ATP5F1C: variants seen among roughly 807,000 people sequenced by gnomAD.
The protein encoded by ATP5F1C is ATP synthase F1 subunit gamma, also known as ATP synthase F(1) complex subunit gamma, mitochondrial.
In ATP5F1C, 22 loss-of-function variants were observed where a neutral mutation model predicts 37.4. That is an observed-to-expected ratio of 0.59 (90% confidence interval 0.42 to 0.84). The LOEUF is 0.84. ATP5F1C is among the 40% of genes least tolerant of loss of function. The pLI is 0.00. For synonymous variants in ATP5F1C, 121 were observed against 128.0 expected (o/e 0.95, Z 0.37); for missense variants, 286 against 362.4 (o/e 0.79, Z 1.71).
chr10:7,788,390 G>C (rs1836090234), intron 1 of ATP5F1C, 127 bp downstream of exon 1: 2 of 1,330,404 alleles, frequency 1.5e-6, no homozygotes, highest in Non-Finnish European at 2.1e-6. Context: ...CCCCTGGCCC[G>C]TCGGAGGCGC....
intron 1 of ATP5F1C, among the ~76,000 whole-genome samples, chr10:7,794,864 C>T (rs1490441289): frequency 6.6e-6 from 1 of 152,150 alleles, no homozygotes; most frequent in Admixed American, 6.5e-5. Context: ...TACTGCTTTC[C>T]TTTCTACTAC....
intron 2 of ATP5F1C, 84 bp from the exon 3 acceptor site, chr10:7,796,963 G>A (rs1836250926): frequency 6.9e-7 from 1 of 1,456,680 alleles, no homozygotes; most frequent in Non-Finnish European, 9.4e-7. Context: ...ATTCTGCCTT[G>A]CACTTCAGAA....
intron 1 of ATP5F1C, among the ~76,000 whole-genome samples, chr10:7,795,307 T>C (rs1012344713): frequency 6.6e-6 from 1 of 152,184 alleles, no homozygotes; most frequent in Non-Finnish European, 1.5e-5. Flanking sequence ...TTCATCATGC[T>C]CAGTTCTCCT....
chr10:7,803,936 T>G (rs2131076526), intron 8 of ATP5F1C, among the ~76,000 whole-genome samples: 1 of 152,344 alleles, frequency 6.6e-6, no homozygotes, highest in Non-Finnish European at 1.5e-5. Flanking sequence ...CAGATCCTTG[T>G]CATTTCTCTC....
intron 1 of ATP5F1C, among the ~76,000 whole-genome samples, chr10:7,791,897 C>A (rs780409202): frequency 6.6e-6 from 1 of 152,232 alleles, no homozygotes; most frequent in Non-Finnish European, 1.5e-5. Flanking sequence ...GCTACCTCTT[C>A]ATACCTCTGA....
intron 8 of ATP5F1C, among the ~76,000 whole-genome samples, chr10:7,805,822 C>T (rs930010057): frequency 6.6e-6 from 1 of 151,492 alleles, no homozygotes; most frequent in Non-Finnish European, 1.5e-5. Flanking sequence ...TGCATTGGCT[C>T]ATGCTTGTAA....
In ATP5F1C at chr10:7,800,979, T is replaced by A. The variant is rs564000210; in HGVS notation, c.637+888T>A. 2.0e-5 allele frequency among the ~76,000 whole-genome samples: 3 copies of A among 152,374 alleles called. No individual in the cohort carries two copies. In the East Asian group the frequency reaches 5.8e-4, roughly 29 times the overall value. ...AGCTAGAAACTGGCTTTGCAAGTTA[T>A]GTTTGGGACCTCTAACTACAATAAA... On this transcript the variant is annotated intron_variant, in intron 6 of 9. Coordinates refer to ENST00000356708, the MANE Select transcript of ATP5F1C (RefSeq NM_001001973.3).
Position 7,806,970 on chromosome 10 carries a change from C to G in ATP5F1C, c.891-4C>G, listed in dbSNP as rs755120037. On this transcript the variant is annotated splice_region_variant and splice_polypyrimidine_tract_variant and intron_variant, in intron 8 of 9. Transcript: ENST00000356708. ...TTGTCTTTTTCTTCTAATATAATAACCAGGGATTAATGAAAATCAAGTTCC... is the reference window on the plus strand; with the variant it reads ...TTGTCTTTTTCTTCTAATATAATAAGCAGGGATTAATGAAAATCAAGTTCC... 6.2e-7 allele frequency: 1 copy of G among 1,609,878 alleles called. No individual in the cohort carries two copies. The highest frequency in any genetic ancestry group is 1.7e-5 in the Admixed American group (1 of 59,970).
chr10:7,801,059 TGAC>T (rs200284165), intron 6 of ATP5F1C, among the ~76,000 whole-genome samples: 1 of 64,960 alleles, frequency 1.5e-5, no homozygotes, highest in African/African-American at 5.1e-5. Flanking sequence ...TTACATTGAC[TGAC>T]TCAATTCTCT....
intron 8 of ATP5F1C, chr10:7,804,174 G>A (rs745486741): frequency 7.9e-5 from 41 of 518,924 alleles, no homozygotes; most frequent in East Asian, 2.2e-4. Flanking sequence ...GAGTGATAGC[G>A]TGTGACCCAC....
At chr10:7,805,099 A>G (rs1423643941) in intron 8 of ATP5F1C, among the ~76,000 whole-genome samples, 1 of 152,220 alleles carries the variant, frequency 6.6e-6, no homozygotes, top group Non-Finnish European at 1.5e-5. Flanking sequence ...CCAATGTTCT[A>G]TCAGCATCAC....
In ATP5F1C at chr10:7,807,733, CA is replaced by C; in HGVS notation, c.*106del. On this transcript the variant is annotated 3_prime_UTR_variant, in exon 10 of 10. Transcript: ENST00000356708. ...CCTTTGTCCGAAGAAACTGTTCCTCCATTATTTGAATTACTGAAGACAGCAA... is the reference window on the plus strand; with the variant it reads ...CCTTTGTCCGAAGAAACTGTTCCTCCTTATTTGAATTACTGAAGACAGCAA... 6.5e-7 allele frequency: 1 copy of C among 1,526,986 alleles called. No individual in the cohort carries two copies. The highest frequency in any genetic ancestry group is 8.9e-7 in the Non-Finnish European group (1 of 1,119,348). 94.6% of individuals were successfully genotyped at this position (1,526,986 alleles called of 1,614,324 possible).
intron 6 of ATP5F1C, among the ~76,000 whole-genome samples, chr10:7,801,012 C>G (rs1253103736): frequency 1.3e-5 from 2 of 152,116 alleles, no homozygotes; most frequent in Non-Finnish European, 2.9e-5. Flanking sequence ...AAAACAGAAG[C>G]TCTAGAATAG....
chr10:7,807,416 A>G (rs1836503822), intron 9 of ATP5F1C, among the ~76,000 whole-genome samples: 1 of 152,144 alleles, frequency 6.6e-6, no homozygotes, highest in South Asian at 2.1e-4. Context: ...GGAAAACTCT[A>G]CTGTATACTC....
chr10:7,800,937 C>T (rs12770829), intron 6 of ATP5F1C, among the ~76,000 whole-genome samples: 47,175 of 152,090 alleles, frequency 0.31, 8,091 homozygotes, highest in Non-Finnish European at 0.39. Flanking sequence ...TTTTTGTCCT[C>T]AAGGATTGAA....
intron 1 of ATP5F1C, among the ~76,000 whole-genome samples, chr10:7,793,302 G>A (rs1214976407): frequency 6.6e-6 from 1 of 152,096 alleles, no homozygotes; most frequent in African/African-American, 2.4e-5. Flanking sequence ...TAGTAGAGAC[G>A]GGGTTTCACC....
intron 6 of ATP5F1C, among the ~76,000 whole-genome samples, chr10:7,801,915 C>T (rs1475154896): frequency 6.6e-6 from 1 of 152,136 alleles, no homozygotes; most frequent in East Asian, 1.9e-4. Flanking sequence ...TTCTTTTTTA[C>T]TGGAAAAAGC....
chr10:7,802,620 A>G, intron 7 of ATP5F1C, 138 bp from the exon 8 acceptor site: 1 of 1,105,466 alleles, frequency 9.0e-7, no homozygotes, highest in East Asian at 2.6e-5. Flanking sequence ...ATGTAAAAAT[A>G]TCTTCATAAC....
rs764597943 is a variant in ATP5F1C, at chr10:7,802,762, G to T, written c.798G>T (p.Glu266Asp). 6.2e-7 allele frequency: 1 copy of T among 1,613,246 alleles called. No homozygotes were observed. The highest frequency in any genetic ancestry group is 8.5e-7 in the Non-Finnish European group (1 of 1,179,734). Reference protein sequence around the residue: ...AMDNASKNASEMIDKLTLTFN... With the variant: ...AMDNASKNASDMIDKLTLTFN... The stretch of plus-strand genomic sequence containing the variant: ...GTGTTTTTGTTTTGTTTGTAGCTGA[G>T]ATGATTGACAAATTGACATTGACAT... The change falls in exon 8 of 10, where the codon GAG becomes GAT. Residue 266 changes from glutamate (E) to aspartate (D), a missense_variant. By Grantham distance (45) the Glu-to-Asp change is conservative. Coordinates refer to ENST00000356708, the MANE Select transcript of ATP5F1C (RefSeq NM_001001973.3).
Sources: gnomAD v4.1 joint callset for allele counts (sites outside exome capture counted in the v4.1 genomes callset) on GRCh38, gnomAD v4.1.1 for gene constraint, MANE v1.5 for transcripts, NCBI Gene and HGNC (gene_info 2026-07-23, HGNC 2026-07-21) for gene names.